The following NLGN1 variants were observed in gnomAD, a reference collection of about 807,000 sequenced individuals.
NLGN1 encodes the protein neuroligin 1.
Under a neutral mutation model 65.5 loss-of-function variants are expected in NLGN1, and 12 were observed. The observed-to-expected ratio is 0.18, with a 90% CI of 0.12 to 0.30. The LOEUF (loss-of-function observed/expected upper bound fraction) is 0.30, where lower values mean the gene tolerates loss of function less well. NLGN1 is among the 10% of genes least tolerant of loss of function. NLGN1 has a pLI of 1.00. For missense variants in NLGN1, 750 were observed against 1,007.1 expected, an observed-to-expected ratio of 0.74 and a Z score of 3.46; for synonymous variants, 350 against 359.5, an observed-to-expected ratio of 0.97 and a Z score of 0.30.
At chr3:173,989,499 A>G (rs2152408841) in intron 4 of NLGN1, among the ~76,000 whole-genome samples, 1 of 152,294 alleles carries the variant, frequency 6.6e-6, no homozygotes, top group Middle Eastern at 3.4e-3. Flanking sequence ...GGATTAATAT[A>G]TTTTTAAAAA....
intron 4 of NLGN1, among the ~76,000 whole-genome samples, chr3:174,145,503 C>T (rs952974391): frequency 6.6e-6 from 1 of 151,180 alleles, no homozygotes; most frequent in African/African-American, 2.4e-5. Context: ...CAGAGTGAGA[C>T]TTCATCTCAA....
chr3:174,005,878 A>T (rs1724265916), intron 4 of NLGN1, among the ~76,000 whole-genome samples: 1 of 151,982 alleles, frequency 6.6e-6, no homozygotes, highest in Non-Finnish European at 1.5e-5. Context: ...GATTATATCT[A>T]CCTCATTAGA....
intron 4 of NLGN1, among the ~76,000 whole-genome samples, chr3:173,945,578 A>G (rs1008218716): frequency 3.9e-5 from 6 of 152,156 alleles, no homozygotes; most frequent in Admixed American, 3.9e-4. Flanking sequence ...CCTGTAAGAA[A>G]TATGTACATA....
chr3:173,769,677 G>A (rs537575959), intron 3 of NLGN1, among the ~76,000 whole-genome samples: 32 of 152,292 alleles, frequency 2.1e-4, no homozygotes, highest in African/African-American at 7.2e-4. Context: ...GATTGGAGAT[G>A]GAATGTGGGC....
intron 2 of NLGN1, among the ~76,000 whole-genome samples, chr3:173,588,881 A>G (rs1380140606): frequency 1.3e-5 from 2 of 152,112 alleles, no homozygotes; most frequent in Admixed American, 6.6e-5. Flanking sequence ...ACTTCAATAT[A>G]TGAATGTGTA....
intron 3 of NLGN1, among the ~76,000 whole-genome samples, chr3:173,678,555 A>G (rs1462335407): frequency 2.0e-5 from 3 of 152,108 alleles, no homozygotes; most frequent in Non-Finnish European, 4.4e-5. Flanking sequence ...GATCCACATC[A>G]TGGAGGTTGC....
chr3:174,166,324 C>T (rs148521715), intron 4 of NLGN1, among the ~76,000 whole-genome samples: 6 of 151,874 alleles, frequency 4.0e-5, no homozygotes, highest in African/African-American at 1.2e-4. Flanking sequence ...TTGAGATAGG[C>T]GTTTAGCACT....
chr3:173,526,466 A>G lies in NLGN1; in HGVS notation c.-320-77813A>G, dbSNP rs749370391. Reference sequence around the variant, plus strand: ...CCTTTGTATTTTTTAAAATGTTTAAATTGTTGTGGGTACATATTAGGTGTA... The same window carrying G: ...CCTTTGTATTTTTTAAAATGTTTAAGTTGTTGTGGGTACATATTAGGTGTA... On this transcript the variant is annotated intron_variant, in intron 2 of 6. Transcript: ENST00000457714. Among the ~76,000 whole-genome samples, 10 of 152,012 alleles carry G rather than the reference A, an allele frequency of 6.6e-5. No homozygotes were observed. The Middle Eastern group carries it at 0.014, about 207-fold the overall frequency.
At chr3:173,738,629 A>T (rs1038251222) in intron 3 of NLGN1, among the ~76,000 whole-genome samples, 1 of 152,070 alleles carries the variant, frequency 6.6e-6, no homozygotes, top group Admixed American at 6.6e-5. Context: ...ATACCACACA[A>T]TCATGATTAC....
At chr3:174,033,899 T>C (rs939308343) in intron 4 of NLGN1, among the ~76,000 whole-genome samples, 7 of 152,070 alleles carry the variant, frequency 4.6e-5, no homozygotes, top group African/African-American at 1.7e-4. Flanking sequence ...AAAGTAATAA[T>C]GATCAGGAAC....
intron 3 of NLGN1, among the ~76,000 whole-genome samples, chr3:173,764,367 G>A (rs1196638174): frequency 1.3e-5 from 2 of 152,128 alleles, no homozygotes; most frequent in Admixed American, 1.3e-4. Context: ...ACAGACTAAC[G>A]CTATGTTCAG....
At chr3:173,764,729 T>A (rs1254514538) in intron 3 of NLGN1, among the ~76,000 whole-genome samples, 1 of 152,102 alleles carries the variant, frequency 6.6e-6, no homozygotes, top group African/African-American at 2.4e-5. Flanking sequence ...TTTCTAGTTC[T>A]TTTTCTACTC....
At chr3:174,207,334 A>G (rs1042755595) in intron 4 of NLGN1, among the ~76,000 whole-genome samples, 1 of 152,184 alleles carries the variant, frequency 6.6e-6, no homozygotes, top group African/African-American at 2.4e-5. Context: ...ATCCTACACA[A>G]AATAAGACCC....
chr3:173,828,908 T>C (rs369841256), intron 4 of NLGN1, among the ~76,000 whole-genome samples: 25 of 148,772 alleles, frequency 1.7e-4, no homozygotes, highest in African/African-American at 4.6e-4. Context: ...AGAGATGGCA[T>C]TGGGAGGAAT....
intron 4 of NLGN1, among the ~76,000 whole-genome samples, chr3:174,260,736 G>A (rs1438825560): frequency 6.7e-6 from 1 of 150,144 alleles, no homozygotes; most frequent in Non-Finnish European, 1.5e-5. Flanking sequence ...TGCTTTTGGT[G>A]TTTTGGACAT....
intron 2 of NLGN1, among the ~76,000 whole-genome samples, chr3:173,564,684 C>A (rs1393796214): frequency 6.6e-6 from 1 of 152,152 alleles, no homozygotes; most frequent in Non-Finnish European, 1.5e-5. Context: ...CTGTGAGAAC[C>A]AAGAACCCCA....
intron 4 of NLGN1, among the ~76,000 whole-genome samples, chr3:174,255,071 ACGT>A (rs1420786147): frequency 1.3e-5 from 2 of 152,250 alleles, no homozygotes; most frequent in African/African-American, 4.8e-5. Flanking sequence ...CTACAAATGA[ACGT>A]CTAGATTAAA....
intron 4 of NLGN1, among the ~76,000 whole-genome samples, chr3:174,216,483 A>G (rs13064728): frequency 0.62 from 94,064 of 151,922 alleles, 30,815 homozygotes; most frequent in East Asian, 0.8. Context: ...GATTCAAGGG[A>G]AAGAAAATCA....
chr3:173,919,448 A>C (rs577294439), intron 4 of NLGN1, among the ~76,000 whole-genome samples: 1 of 152,318 alleles, frequency 6.6e-6, no homozygotes, highest in African/African-American at 2.4e-5. Context: ...AATTTCATTA[A>C]ATTGTCTAAG....
Sources: allele counts gnomAD v4.1 joint callset (sites outside exome capture counted in the v4.1 genomes callset), GRCh38; gene constraint gnomAD v4.1.1; transcripts MANE v1.5; gene names NCBI Gene and HGNC (gene_info 2026-07-23, HGNC 2026-07-21).